The following ZCCHC2 variants were observed in gnomAD, a reference collection of about 807,000 sequenced individuals.
The protein encoded by ZCCHC2 is zinc finger CCHC-type containing 2.
A neutral mutation model predicts 103.6 loss-of-function variants in ZCCHC2; 39 were observed. The observed-to-expected ratio is 0.38, with a 90% CI of 0.29 to 0.49. The LOEUF (loss-of-function observed/expected upper bound fraction) is 0.49, where lower values mean the gene tolerates loss of function less well. Ranked by LOEUF, ZCCHC2 falls within the 20% of genes least tolerant of loss-of-function variation. ZCCHC2 has a pLI of 0.96. For missense variants in ZCCHC2, 1,483 were observed against 1,491.0 expected, an observed-to-expected ratio of 0.99 and a Z score of 0.09; for synonymous variants, 687 against 608.9, an observed-to-expected ratio of 1.13 and a Z score of -1.89.
Position 62,574,200 on chromosome 18 carries a change from C to G in ZCCHC2, c.2119C>G (p.Pro707Ala). The part of the protein sequence containing the change: ...GNENGNLLED[P>A]LNSPKYQHIS... The stretch of plus-strand genomic sequence containing the variant: ...TGAGAATGGAAACCTTTTAGAAGAT[C>G]CCTTAAACTCACCCAAGTATCAGCA... The change falls in exon 13 of 14, where the codon CCC (proline) becomes GCC (alanine). Residue 707 changes from proline to alanine, a missense_variant. Pro to Ala is a conservative substitution (Grantham distance 27). Transcript: ENST00000269499. 1 of 1,614,014 alleles carries G rather than the reference C, an allele frequency of 6.2e-7. No individual in the cohort carries two copies. Among genetic ancestry groups the G allele is most frequent in the Non-Finnish European group, 8.5e-7 (1 of 1,179,888 alleles).
rs1192507038 is a variant in ZCCHC2, at chr18:62,565,087, A to G, written c.1837A>G (p.Thr613Ala). Reference protein sequence around the residue: ...LSTPQHAHGGTVKDVNLDIGS... With the variant: ...LSTPQHAHGGAVKDVNLDIGS... ...CACTCCTCAGCATGCCCATGGTGGT[A>G]CTGTGAAAGGTAAGAAGGTTATTTT... is the stretch of plus-strand genomic sequence containing the variant. Residue 613 changes from threonine (T) to alanine (A), a missense_variant, in exon 11 of 14, where the codon ACT becomes GCT. By Grantham distance (58) the Thr-to-Ala change is moderately conservative. Around this residue, in one of 3 missense-constraint regions of ZCCHC2, gnomAD observed 884 missense variants for 907.5 expected, o/e 0.97. Transcript: ENST00000269499. 7.4e-6 allele frequency: 12 copies of G among 1,611,162 alleles called. No homozygotes were observed. The highest frequency in any genetic ancestry group is 1.3e-5 in the African/African-American group (1 of 74,888).
At chr18:62,541,969 A>G (rs201141074) in intron 2 of ZCCHC2, among the ~76,000 whole-genome samples, 1 of 152,170 alleles carries the variant, frequency 6.6e-6, no homozygotes, top group East Asian at 1.9e-4. Flanking sequence ...TCATTATATG[A>G]TATTGAGGGT....
chr18:62,543,078 G>T (rs754705697), intron 3 of ZCCHC2, among the ~76,000 whole-genome samples: 1 of 152,042 alleles, frequency 6.6e-6, no homozygotes, highest in Non-Finnish European at 1.5e-5. Context: ...CTTCTTGCCC[G>T]TCAGCTGTAT....
chr18:62,523,451 G>T lies in ZCCHC2; in HGVS notation c.27G>T (p.Lys9Asn), dbSNP rs1197491209. Residue 9 changes from lysine to asparagine, a missense_variant, in exon 1 of 14, where the codon AAG becomes AAT. By Grantham distance (94) the Lys-to-Asn change is moderately conservative. Around this residue, in one of 3 missense-constraint regions of ZCCHC2, gnomAD observed 568 missense variants for 525.1 expected, o/e 1.08. Transcript: ENST00000269499. MLRMKLPLKPTHPAEPPPE... is the reference protein window; with the variant it reads MLRMKLPLNPTHPAEPPPE... ...TGCTGAGGATGAAGCTGCCGCTGAA[G>T]CCAACGCACCCCGCGGAGCCGCCGC... The T allele has an allele frequency of 2.7e-6, 3 of 1,096,538 alleles. No homozygotes were observed. The highest frequency in any genetic ancestry group is 3.4e-6 in the Non-Finnish European group (3 of 889,250). 67.9% of individuals were successfully genotyped at this position (1,096,538 alleles called of 1,614,324 possible).
At chr18:62,574,026 G>C in intron 12 of ZCCHC2, 31 bp from the exon 13 acceptor site, 1 of 1,586,460 alleles carries the variant, frequency 6.3e-7, no homozygotes, top group Non-Finnish European at 8.6e-7. Context: ...TTATGCCCGT[G>C]TTAATATCTC....
Position 62,575,035 on chromosome 18 carries a change from G to C in ZCCHC2, c.2954G>C (p.Ser985Thr), listed in dbSNP as rs753439568. Residue 985 changes from serine (S) to threonine (T), a missense_variant, in exon 13 of 14, where the codon AGC (serine) becomes ACC (threonine). Ser to Thr is a moderately conservative substitution (Grantham distance 58). Coordinates refer to ENST00000269499, the MANE Select transcript of ZCCHC2 (RefSeq NM_017742.6). ...ACACACAGTACCGCGCAGAGTGACA[G>C]CACCTCTTACATCAGTGCTGTGGGG... ...ALTHSTAQSD[S>T]TSYISAVGNT... 7 of 1,613,892 alleles carry C rather than the reference G, an allele frequency of 4.3e-6. No homozygotes were observed. The highest frequency in any genetic ancestry group is 5.9e-6 in the Non-Finnish European group (7 of 1,179,908).
intron 11 of ZCCHC2, among the ~76,000 whole-genome samples, chr18:62,569,179 C>G (rs1916490849): frequency 6.6e-6 from 1 of 152,178 alleles, no homozygotes; most frequent in Admixed American, 6.5e-5. Flanking sequence ...TAATCTAGGT[C>G]ATGTTTAACA....
At chr18:62,568,584 T>C (rs976897829) in intron 11 of ZCCHC2, among the ~76,000 whole-genome samples, 3 of 152,238 alleles carry the variant, frequency 2.0e-5, no homozygotes, top group East Asian at 1.9e-4. Flanking sequence ...GTTTTGTAAA[T>C]TATGCCATTT....
At chr18:62,538,260 C>CAAAAAAAA (rs35609138) in intron 1 of ZCCHC2, among the ~76,000 whole-genome samples, 2 of 122,638 alleles carry the variant, frequency 1.6e-5, no homozygotes, top group African/African-American at 3.1e-5. Flanking sequence ...GACCCTGTCT[C>CAAAAAAAA]AAAAAAAAAA....
chr18:62,559,132 AG>A (rs2145517092), intron 7 of ZCCHC2, among the ~76,000 whole-genome samples: 1 of 152,366 alleles, frequency 6.6e-6, no homozygotes, highest in Non-Finnish European at 1.5e-5. Context: ...TGGGAGGAGA[AG>A]CCTTTCTTGA....
At chr18:62,553,981 G>T (rs1361994902) in intron 5 of ZCCHC2, among the ~76,000 whole-genome samples, 5 of 152,170 alleles carry the variant, frequency 3.3e-5, no homozygotes, top group African/African-American at 4.8e-5. Context: ...TTTGTGTCAT[G>T]CCTAGAAAGA....
At chr18:62,534,658 G>C (rs1914843589) in intron 1 of ZCCHC2, among the ~76,000 whole-genome samples, 1 of 152,216 alleles carries the variant, frequency 6.6e-6, no homozygotes, top group African/African-American at 2.4e-5. Flanking sequence ...ATTGGGATGT[G>C]TCCCGTAGTA....
intron 4 of ZCCHC2, among the ~76,000 whole-genome samples, chr18:62,548,366 C>T (rs980638734): frequency 4.6e-5 from 7 of 152,138 alleles, no homozygotes; most frequent in African/African-American, 1.7e-4. Flanking sequence ...CTGATGACTG[C>T]TTACCTGCAG....
At chr18:62,531,022 T>C (rs1418357852) in intron 1 of ZCCHC2, among the ~76,000 whole-genome samples, 1 of 152,228 alleles carries the variant, frequency 6.6e-6, no homozygotes, top group African/African-American at 2.4e-5. Flanking sequence ...TATTTTTAAC[T>C]CACTTAATAT....
chr18:62,529,575 G>C (rs916472210), intron 1 of ZCCHC2, among the ~76,000 whole-genome samples: 4 of 152,158 alleles, frequency 2.6e-5, no homozygotes, highest in Non-Finnish European at 4.4e-5. Context: ...AGTTATAAAA[G>C]CCATTTGGAA....
chr18:62,562,209 C>T (rs1916145896), intron 8 of ZCCHC2, among the ~76,000 whole-genome samples: 1 of 152,062 alleles, frequency 6.6e-6, no homozygotes, highest in African/African-American at 2.4e-5. Flanking sequence ...ACTATGTTGG[C>T]CAGGATGGTC....
chr18:62,574,857 G>A lies in ZCCHC2; in HGVS notation c.2776G>A (p.Gly926Ser), dbSNP rs1411032730. Reference protein sequence around the residue: ...YPLPGSPLAAGVLPSQNSSVL... With the variant: ...YPLPGSPLAASVLPSQNSSVL... ...CTTACCAGGCTCTCCCCTTGCTGCCGGCGTGTTACCCAGCCAGAACTCCAG... is the reference window on the plus strand; with the variant it reads ...CTTACCAGGCTCTCCCCTTGCTGCCAGCGTGTTACCCAGCCAGAACTCCAG... Residue 926 changes from glycine (G) to serine (S), a missense_variant, in exon 13 of 14, where the codon GGC (glycine) becomes AGC (serine). By Grantham distance (56) the Gly-to-Ser change is moderately conservative. Transcript: ENST00000269499. 26 of 1,613,664 alleles carry A rather than the reference G, an allele frequency of 1.6e-5. No individual in the cohort carries two copies. Among genetic ancestry groups the A allele is most frequent in the Non-Finnish European group, 1.9e-5 (23 of 1,179,876 alleles).
intron 1 of ZCCHC2, among the ~76,000 whole-genome samples, chr18:62,531,524 ATC>A (rs746955493): frequency 1.3e-5 from 2 of 152,198 alleles, no homozygotes; most frequent in Non-Finnish European, 2.9e-5. Flanking sequence ...TATCATTCCT[ATC>A]TGTTTCCTAT....
At chr18:62,531,813 A>G (rs1443351891) in intron 1 of ZCCHC2, among the ~76,000 whole-genome samples, 1 of 150,548 alleles carries the variant, frequency 6.6e-6, no homozygotes, top group Non-Finnish European at 1.5e-5. Flanking sequence ...AAAAAAAAAA[A>G]ATGTTAGCTG....
Sources: gnomAD v4.1 joint callset for allele counts (sites outside exome capture counted in the v4.1 genomes callset) on GRCh38, gnomAD v4.1.1 for gene constraint, gnomAD v4.1.1 regional missense constraint, MANE v1.5 for transcripts, NCBI Gene and HGNC (gene_info 2026-07-23, HGNC 2026-07-21) for gene names.